Variants in COLEC12 observed in about 807,000 individuals in gnomAD.
COLEC12 encodes collectin-12.
A neutral mutation model predicts 71.1 loss-of-function variants in COLEC12; 33 were observed. The ratio of observed to expected loss-of-function variants is 0.46; its 90% CI spans 0.35 to 0.62. The LOEUF is 0.62. Among genes scored for constraint, COLEC12 ranks in the 20% least tolerant of loss-of-function variants. The pLI, the probability that COLEC12 is intolerant of heterozygous loss-of-function variation, is 0.00. For synonymous variants in COLEC12, 350 were observed against 353.0 expected, an observed-to-expected ratio of 0.99 and a Z score of 0.10; for missense variants, 765 against 916.1, an observed-to-expected ratio of 0.84 and a Z score of 2.13.
chr18:373,667 AACCGGGTAGAATC>A (rs1408653484), intron 2 of COLEC12, among the ~76,000 whole-genome samples: 1 of 152,192 alleles, frequency 6.6e-6, no homozygotes, highest in Non-Finnish European at 1.5e-5. Context: ...GGCTTATCTG[AACCGGGTAGAATC>A]AAATATTGTG....
chr18:333,266 G>T, intron 6 of COLEC12, 123 bp from the exon 7 acceptor site: 1 of 760,646 alleles, frequency 1.3e-6, no homozygotes. Flanking sequence ...GTCCCTGCAC[G>T]AGGCCCACAG....
At chr18:337,334 G>A (rs1317094725) in intron 5 of COLEC12, among the ~76,000 whole-genome samples, 1 of 152,138 alleles carries the variant, frequency 6.6e-6, no homozygotes, top group African/African-American at 2.4e-5. Flanking sequence ...CTCTGTAGGG[G>A]GATCTCCCTG....
chr18:477,295 C>G (rs1917323784), intron 2 of COLEC12, among the ~76,000 whole-genome samples: 1 of 152,194 alleles, frequency 6.6e-6, no homozygotes, highest in Non-Finnish European at 1.5e-5. Context: ...TAATAACTCT[C>G]TATATGAATA....
At chr18:368,748 C>A in intron 2 of COLEC12, among the ~76,000 whole-genome samples, 1 of 152,102 alleles carries the variant, frequency 6.6e-6, no homozygotes, top group Non-Finnish European at 1.5e-5. Flanking sequence ...CGCCTGTAGT[C>A]CCAGCTACTT....
intron 6 of COLEC12, 69 bp downstream of exon 6, chr18:334,672 TG>T: frequency 7.5e-7 from 1 of 1,325,744 alleles, no homozygotes; most frequent in Admixed American, 2.9e-5. Context: ...GGCCACACAC[TG>T]GGGGTTGGCT....
At chr18:463,308 CATT>C (rs1917019023) in intron 2 of COLEC12, among the ~76,000 whole-genome samples, 1 of 152,164 alleles carries the variant, frequency 6.6e-6, no homozygotes, top group Non-Finnish European at 1.5e-5. Flanking sequence ...TAAATGTCTC[CATT>C]ATTATACTGG....
chr18:411,201 G>A (rs935400699), intron 2 of COLEC12, among the ~76,000 whole-genome samples: 2 of 152,188 alleles, frequency 1.3e-5, no homozygotes, highest in Non-Finnish European at 2.9e-5. Flanking sequence ...CAGTAATGAG[G>A]TGATGCCTAC....
rs1913639472 is a variant in COLEC12, at chr18:319,343, T to TATATATATATAC, written c.*701_*702insGTATATATATAT. Reference sequence around the variant, plus strand: ...CATTAAAAAAAAAAAAAAAAAAAAATATATATATATATATATATATACACA... The same window carrying TATATATATATAC: ...CATTAAAAAAAAAAAAAAAAAAAAATATATATATATACATATATATATATATATATATACACA... On this transcript the variant is annotated 3_prime_UTR_variant, in exon 10 of 10. Transcript: ENST00000400256. The TATATATATATAC allele has an allele frequency of 2.8e-5, 1 of 35,314 alleles. No individual in the cohort carries two copies. Among genetic ancestry groups the TATATATATATAC allele is most frequent in the Non-Finnish European group, 8.3e-5 (1 of 12,072 alleles). The allele number at this position is 35,314 out of a possible 1,614,324, so 2.2% of individuals were successfully genotyped here.
chr18:356,412 T>C (rs1914629689), intron 3 of COLEC12, among the ~76,000 whole-genome samples: 1 of 152,152 alleles, frequency 6.6e-6, no homozygotes, highest in Non-Finnish European at 1.5e-5. Flanking sequence ...GGATCAAGGC[T>C]TGAACTTGGA....
intron 2 of COLEC12, among the ~76,000 whole-genome samples, chr18:468,350 T>C (rs1267878072): frequency 1.3e-5 from 2 of 152,040 alleles, no homozygotes; most frequent in Non-Finnish European, 2.9e-5. Flanking sequence ...TAACACTGTA[T>C]AGCCTAAAGA....
chr18:336,370 G>T (rs1914119233), intron 5 of COLEC12, among the ~76,000 whole-genome samples: 1 of 152,132 alleles, frequency 6.6e-6, no homozygotes, highest in South Asian at 2.1e-4. Flanking sequence ...AGGAAGGTAG[G>T]CTAGAGAAAA....
intron 2 of COLEC12, among the ~76,000 whole-genome samples, chr18:388,869 T>TC: frequency 6.6e-6 from 1 of 152,292 alleles, no homozygotes; most frequent in South Asian, 2.1e-4. Flanking sequence ...TCTGCACTGC[T>TC]CTTCCTTCTC....
chr18:461,455 T>C (rs779775490), intron 2 of COLEC12, among the ~76,000 whole-genome samples: 5 of 152,184 alleles, frequency 3.3e-5, no homozygotes, highest in Non-Finnish European at 2.9e-5. Context: ...GGCCTGATCA[T>C]AGCTCACTGC....
chr18:428,629 A>T (rs1269551152), intron 2 of COLEC12, among the ~76,000 whole-genome samples: 1 of 152,216 alleles, frequency 6.6e-6, no homozygotes, highest in Admixed American at 6.5e-5. Flanking sequence ...ACTTTAAATA[A>T]GGTATTACTT....
intron 2 of COLEC12, among the ~76,000 whole-genome samples, chr18:424,792 C>G (rs540322838): frequency 8.5e-5 from 13 of 152,280 alleles, no homozygotes; most frequent in South Asian, 4.1e-4. Context: ...AGGCCTGCAT[C>G]AGGATGTGGG....
rs553135448 is a variant in COLEC12, at chr18:461,932, TAC to T, written c.58+18773_58+18774del. ...TAGCAAACCAAAGTGTATTGAGATG[TAC>T]AGATAATGAGATGGAAATGAATGAC... On this transcript the variant is annotated intron_variant, in intron 2 of 9. Coordinates refer to ENST00000400256, the MANE Select transcript of COLEC12 (RefSeq NM_130386.3). 3.7e-3 allele frequency among the ~76,000 whole-genome samples: 557 copies of T among 152,328 alleles called. 4 individuals are homozygous for T. The highest frequency in any genetic ancestry group is 0.013 in the African/African-American group (535 of 41,572).
At chr18:481,942 G>A (rs1263551102) in intron 1 of COLEC12, among the ~76,000 whole-genome samples, 2 of 151,948 alleles carry the variant, frequency 1.3e-5, no homozygotes, top group African/African-American at 4.8e-5. Context: ...TAGGTTCCGG[G>A]GGTACATGTG....
rs368787296 is a variant in COLEC12 at position 454,245 on chromosome 18, G to A, written c.58+26462C>T. On this transcript the variant is annotated intron_variant, in intron 2 of 9. Coordinates refer to ENST00000400256, the MANE Select transcript of COLEC12 (RefSeq NM_130386.3). ...TTCTATTCCTAGAACATTCCATGCT[G>A]TTTCCACCTGAGGGACTTTTTACTT... Among the ~76,000 whole-genome samples, 5 of 152,222 alleles carry A rather than the reference G, an allele frequency of 3.3e-5. No individual in the cohort carries two copies. The East Asian group carries it at 9.6e-4, about 29-fold the overall frequency.
intron 2 of COLEC12, among the ~76,000 whole-genome samples, chr18:463,238 T>C (rs1917017525): frequency 6.6e-6 from 1 of 152,238 alleles, no homozygotes; most frequent in Admixed American, 6.5e-5. Context: ...TTTCATTTCA[T>C]ACTACCTTCA....
Sources: gnomAD v4.1 joint callset for allele counts (sites outside exome capture counted in the v4.1 genomes callset) on GRCh38, gnomAD v4.1.1 for gene constraint, MANE v1.5 for transcripts, NCBI Gene and HGNC (gene_info 2026-07-23, HGNC 2026-07-21) for gene names.